PALS1: variants seen among roughly 807,000 people sequenced by gnomAD.
The protein encoded by PALS1 is protein PALS1.
A neutral mutation model predicts 78.9 loss-of-function variants in PALS1; 31 were observed. The ratio of observed to expected loss-of-function variants is 0.39; its 90% CI spans 0.30 to 0.53. PALS1 has a LOEUF of 0.53. PALS1 is among the 20% of genes least tolerant of loss of function. The pLI is 0.67. For missense variants in PALS1, 704 were observed against 826.5 expected, an observed-to-expected ratio of 0.85 and a Z score of 1.82; for synonymous variants, 276 against 270.9, an observed-to-expected ratio of 1.02 and a Z score of -0.18.
intron 1 of PALS1, among the ~76,000 whole-genome samples, chr14:67,246,541 AT>A (rs977492060): frequency 6.6e-6 from 1 of 151,382 alleles, no homozygotes; most frequent in Non-Finnish European, 1.5e-5. Flanking sequence ...AGATCTCCCT[AT>A]ATTGCCCAAG....
At chr14:67,256,212 ATTC>A (rs1407492097) in intron 1 of PALS1, among the ~76,000 whole-genome samples, 1 of 152,212 alleles carries the variant, frequency 6.6e-6, no homozygotes, top group Non-Finnish European at 1.5e-5. Context: ...TATTGTATAT[ATTC>A]TTCTGAATAT....
At chr14:67,301,537 C>A in intron 5 of PALS1, 71 bp downstream of exon 5, 1 of 1,049,646 alleles carries the variant, frequency 9.5e-7, no homozygotes, top group Non-Finnish European at 1.4e-6. Flanking sequence ...TCAAAGACTC[C>A]AGTACTGGAA....
At chr14:67,291,284 A>C (rs1566553822) in intron 3 of PALS1, among the ~76,000 whole-genome samples, 1 of 151,050 alleles carries the variant, frequency 6.6e-6, no homozygotes, top group Non-Finnish European at 1.5e-5. Flanking sequence ...GCTAGAATGC[A>C]ATGGTGTGAT....
rs930786035 is a variant in PALS1 at position 67,286,368 on chromosome 14, C to A, written c.368-6143C>A. On this transcript the variant is annotated intron_variant, in intron 3 of 14. Coordinates refer to ENST00000261681, the MANE Select transcript of PALS1 (RefSeq NM_022474.4). ...ATTTCTTCTCTCTGTCCTCTGTCTT[C>A]TCTTTGTTGTCTCTGTGTCTTCATC... Among the ~76,000 whole-genome samples the A allele has an allele frequency of 3.3e-5, 5 of 152,276 alleles. No individual in the cohort carries two copies. The East Asian group carries it at 9.6e-4, about 29-fold the overall frequency.
At chr14:67,301,520 T>C (rs1031725470) in intron 5 of PALS1, 54 bp downstream of exon 5, 2 of 1,368,482 alleles carry the variant, frequency 1.5e-6, no homozygotes, top group Non-Finnish European at 2.0e-6. Context: ...TCTTCTATTT[T>C]TTTAAATCAA....
Position 67,335,121 on chromosome 14 carries a change from A to ATGAT in PALS1, c.*2166_*2169dup, listed in dbSNP as rs1409637283. 2 of 150,004 alleles carry ATGAT rather than the reference A, an allele frequency of 1.3e-5. No individual in the cohort carries two copies. Among genetic ancestry groups the ATGAT allele is most frequent in the African/African-American group, 2.4e-5 (1 of 41,272 alleles). 9.3% of individuals were successfully genotyped at this position (150,004 alleles called of 1,614,324 possible). A position where few individuals can be genotyped will look rare whatever the true frequency, so the allele number is the denominator to read the frequency against. ...ATGCCATACTTTTAGGAAGTCTGAG[A>ATGAT]TGATAAATATTTCAAGGTCAGTGAA... On this transcript the variant is annotated 3_prime_UTR_variant, in exon 15 of 15. Transcript: ENST00000261681.
intron 8 of PALS1, 119 bp downstream of exon 8, chr14:67,303,718 AT>A: frequency 1.4e-6 from 1 of 710,040 alleles, no homozygotes; most frequent in South Asian, 1.8e-5. Context: ...AATCATTTTT[AT>A]TTAAATAAAT....
At chr14:67,246,799 G>A (rs1245087752) in intron 1 of PALS1, among the ~76,000 whole-genome samples, 2 of 151,856 alleles carry the variant, frequency 1.3e-5, no homozygotes, top group Non-Finnish European at 2.9e-5. Context: ...TTATAAGCGC[G>A]CACCACCACG....
chr14:67,285,773 G>A (rs1019019105), intron 3 of PALS1, among the ~76,000 whole-genome samples: 3 of 152,134 alleles, frequency 2.0e-5, no homozygotes, highest in Non-Finnish European at 4.4e-5. Flanking sequence ...AGTAACTCTT[G>A]GTGATTGCTT....
chr14:67,315,370 G>A (rs560570687), intron 9 of PALS1, among the ~76,000 whole-genome samples: 11 of 144,360 alleles, frequency 7.6e-5, no homozygotes, highest in South Asian at 2.2e-4. Flanking sequence ...TCCGCCTCCC[G>A]GGCTCATGCC....
intron 2 of PALS1, among the ~76,000 whole-genome samples, chr14:67,274,347 C>T (rs1455165583): frequency 6.6e-6 from 1 of 152,194 alleles, no homozygotes; most frequent in African/African-American, 2.4e-5. Context: ...ATATGCCTAG[C>T]CAGTTTTCCC....
intron 1 of PALS1, among the ~76,000 whole-genome samples, chr14:67,243,489 ATTTTTTTTT>A (rs55985752): frequency 2.0e-5 from 2 of 100,292 alleles, no homozygotes; most frequent in African/African-American, 4.1e-5. Context: ...CCAGAATATA[ATTTTTTTTT>A]TTTTTTTTTT....
At chr14:67,254,986 TA>T (rs1171487880) in intron 1 of PALS1, among the ~76,000 whole-genome samples, 2 of 152,112 alleles carry the variant, frequency 1.3e-5, no homozygotes, top group Non-Finnish European at 2.9e-5. Flanking sequence ...TCTTCTCTAC[TA>T]AAAATACAAA....
At chr14:67,325,117 G>A (rs1158385063) in intron 14 of PALS1, among the ~76,000 whole-genome samples, 1 of 151,882 alleles carries the variant, frequency 6.6e-6, no homozygotes, top group African/African-American at 2.4e-5. Context: ...ATGTTAGCCA[G>A]GATGGTCTTG....
At chr14:67,313,418 G>C (rs1298954876) in intron 9 of PALS1, among the ~76,000 whole-genome samples, 1 of 152,154 alleles carries the variant, frequency 6.6e-6, no homozygotes, top group Non-Finnish European at 1.5e-5. Context: ...ATGTGGTATA[G>C]CCTATTCCTC....
chr14:67,245,234 G>C (rs548035964), intron 1 of PALS1, among the ~76,000 whole-genome samples: 1 of 152,214 alleles, frequency 6.6e-6, no homozygotes, highest in South Asian at 2.1e-4. Flanking sequence ...TTGTCAGGCT[G>C]GGTTTGAAGT....
intron 1 of PALS1, among the ~76,000 whole-genome samples, chr14:67,265,675 G>A (rs530767008): frequency 6.6e-6 from 1 of 152,188 alleles, no homozygotes; most frequent in Admixed American, 6.5e-5. Flanking sequence ...TAGCCAACAT[G>A]GTAAAACCCT....
chr14:67,292,508 TAG>T lies in PALS1; in HGVS notation c.368-1_368del. ...TTTTGGATACCTTTTCTTCTTCTAC[TAG>T]AAATAGAAGACTTGTTTTCTTCACT... is the stretch of plus-strand genomic sequence containing the variant. On this transcript the variant is annotated splice_acceptor_variant, in intron 3 of 14. Coordinates refer to ENST00000261681, the MANE Select transcript of PALS1 (RefSeq NM_022474.4). LOFTEE classifies it high-confidence loss of function. 6.3e-7 allele frequency: 1 copy of T among 1,594,146 alleles called. No individual in the cohort carries two copies. Among genetic ancestry groups the T allele is most frequent in the Non-Finnish European group, 8.6e-7 (1 of 1,163,334 alleles).
chr14:67,273,026 G>C (rs1232400001), intron 2 of PALS1, among the ~76,000 whole-genome samples: 1 of 148,594 alleles, frequency 6.7e-6, no homozygotes, highest in African/African-American at 2.6e-5. Context: ...TGTCCTAGTT[G>C]AGGACCGCAT....
Sources: allele counts gnomAD v4.1 joint callset (sites outside exome capture counted in the v4.1 genomes callset), GRCh38; gene constraint gnomAD v4.1.1; transcripts MANE v1.5; gene names NCBI Gene and HGNC (gene_info 2026-07-23, HGNC 2026-07-21).